Variants in SLC4A10 observed in about 807,000 individuals in gnomAD.
SLC4A10 encodes sodium-driven chloride bicarbonate exchanger.
Under a neutral mutation model 137.7 loss-of-function variants are expected in SLC4A10, and 42 were observed. That is an observed-to-expected ratio of 0.30 (90% CI 0.24 to 0.39). The LOEUF is 0.39. Among genes scored for constraint, SLC4A10 ranks in the 10% least tolerant of loss-of-function variants. The pLI, the probability that SLC4A10 is intolerant of heterozygous loss-of-function variation, is 1.00. For missense variants in SLC4A10, 925 were observed against 1,355.0 expected, an observed-to-expected ratio of 0.68 and a Z score of 4.98; for synonymous variants, 474 against 464.1, an observed-to-expected ratio of 1.02 and a Z score of -0.27.
At chr2:161,886,073 T>G (rs779447204) in intron 10 of SLC4A10, among the ~76,000 whole-genome samples, 4 of 152,182 alleles carry the variant, frequency 2.6e-5, no homozygotes, top group Middle Eastern at 3.2e-3. Context: ...CACTCCAGCC[T>G]GGGCAATAGA....
chr2:161,983,078 G>A (rs1329358913), intron 26 of SLC4A10, 101 bp from the exon 27 acceptor site: 3 of 1,007,608 alleles, frequency 3.0e-6, no homozygotes, highest in Middle Eastern at 2.1e-4. Context: ...ACGGGCTCTT[G>A]TGGTGCTTTG....
intron 8 of SLC4A10, among the ~76,000 whole-genome samples, chr2:161,878,003 C>T (rs1446969375): frequency 6.6e-6 from 1 of 151,998 alleles, no homozygotes; most frequent in Admixed American, 6.6e-5. Flanking sequence ...ATCTTGATTT[C>T]AGAAAGCAAC....
chr2:161,915,770 A>G (rs760438303), intron 15 of SLC4A10, among the ~76,000 whole-genome samples: 1 of 152,182 alleles, frequency 6.6e-6, no homozygotes, highest in Non-Finnish European at 1.5e-5. Flanking sequence ...GGGCTGAGTA[A>G]ATGGGGCACC....
At chr2:161,919,332 C>T (rs978628197) in intron 15 of SLC4A10, among the ~76,000 whole-genome samples, 1 of 152,118 alleles carries the variant, frequency 6.6e-6, no homozygotes, top group African/African-American at 2.4e-5. Flanking sequence ...CCAGTGAAAC[C>T]TCACCTTCAA....
At chr2:161,836,141 C>T (rs1440055008) in intron 3 of SLC4A10, among the ~76,000 whole-genome samples, 2 of 151,518 alleles carry the variant, frequency 1.3e-5, no homozygotes, top group Admixed American at 6.6e-5. Context: ...TCAGTTGATT[C>T]TGCTGTCACT....
At chr2:161,979,528 G>C (rs1699905349) in intron 26 of SLC4A10, among the ~76,000 whole-genome samples, 1 of 152,208 alleles carries the variant, frequency 6.6e-6, no homozygotes, top group Non-Finnish European at 1.5e-5. Context: ...TTCCATGTGA[G>C]AAACATCTTT....
rs182317275 is a variant in SLC4A10, at chr2:161,659,627, A to G, written c.48+35061A>G. ...AATCGCACTTATGCCCCTTAAATTT[A>G]TACAAAAATAAATAAATAAAAAATA... On this transcript the variant is annotated intron_variant, in intron 1 of 26. Transcript: ENST00000446997. 1.8e-3 allele frequency among the ~76,000 whole-genome samples: 274 copies of G among 152,320 alleles called. 2 individuals are homozygous for G. The highest frequency in any genetic ancestry group is 3.4e-3 in the Middle Eastern group (1 of 294).
intron 1 of SLC4A10, among the ~76,000 whole-genome samples, chr2:161,748,970 T>C (rs1451580483): frequency 1.3e-5 from 2 of 152,034 alleles, no homozygotes; most frequent in Non-Finnish European, 1.5e-5. Context: ...CATTTTATAG[T>C]TTTCAGTGTA....
At chr2:161,843,469 T>C (rs2059312212) in intron 4 of SLC4A10, among the ~76,000 whole-genome samples, 1 of 152,182 alleles carries the variant, frequency 6.6e-6, no homozygotes, top group Admixed American at 6.6e-5. Flanking sequence ...ATGCTATAGC[T>C]GTTTGAGCTT....
chr2:161,661,446 C>A (rs139299140), intron 1 of SLC4A10, among the ~76,000 whole-genome samples: 1 of 152,342 alleles, frequency 6.6e-6, no homozygotes, highest in African/African-American at 2.4e-5. Flanking sequence ...TGCACTCCAG[C>A]CTGGCAACAG....
chr2:161,635,411 G>T (rs1379438889), intron 1 of SLC4A10, among the ~76,000 whole-genome samples: 1 of 152,020 alleles, frequency 6.6e-6, no homozygotes, highest in Non-Finnish European at 1.5e-5. Flanking sequence ...GTCATTCCTT[G>T]GCCCTCCAAA....
In SLC4A10 at chr2:161,983,248, C is replaced by T. The variant is rs56405894; in HGVS notation, c.*96C>T. On this transcript the variant is annotated 3_prime_UTR_variant, in exon 27 of 27. Coordinates refer to ENST00000446997, the MANE Select transcript of SLC4A10 (RefSeq NM_001178015.2). Reference sequence around the variant, plus strand: ...TTGACAGGGAGACTTGTCTATGACTCGATCTTCAATTTATTTTTTACATAT... The same window carrying T: ...TTGACAGGGAGACTTGTCTATGACTTGATCTTCAATTTATTTTTTACATAT... 5.6e-3 allele frequency: 8,637 copies of T among 1,535,172 alleles called. 30 individuals are homozygous for T. Among genetic ancestry groups the T allele is most frequent in the Middle Eastern group, 8.9e-3 (53 of 5,986 alleles).
chr2:161,802,938 G>A (rs909533545), intron 2 of SLC4A10, among the ~76,000 whole-genome samples: 1 of 152,036 alleles, frequency 6.6e-6, no homozygotes, highest in African/African-American at 2.4e-5. Flanking sequence ...AGTCACATTT[G>A]GGGTTGGGAC....
chr2:161,873,879 T>G, intron 7 of SLC4A10, 37 bp from the exon 8 acceptor site: 1 of 1,570,526 alleles, frequency 6.4e-7, no homozygotes, highest in Non-Finnish European at 8.6e-7. Flanking sequence ...CGTGGGAGCA[T>G]GGTGTACCAG....
In SLC4A10 at chr2:161,782,760, G is replaced by T. The variant is rs78634183; in HGVS notation, c.130+11706G>T. Among the ~76,000 whole-genome samples, 363 of 146,636 alleles carry T rather than the reference G, an allele frequency of 2.5e-3. 6 individuals are homozygous for T. In the East Asian group the frequency reaches 0.061, roughly 25 times the overall value. ...AGATCAAGCTAAAGAAAGAATCAGT[G>T]AACTTAAGGACAGGCCATTGGAACT... On this transcript the variant is annotated intron_variant, in intron 2 of 26. Transcript: ENST00000446997.
intron 11 of SLC4A10, among the ~76,000 whole-genome samples, 156 bp downstream of exon 11, chr2:161,894,981 T>C (rs935893179): frequency 2.0e-5 from 3 of 151,738 alleles, no homozygotes; most frequent in Non-Finnish European, 2.9e-5. Flanking sequence ...GTTACATATG[T>C]ATACATGTGC....
chr2:161,722,967 G>T (rs2045849547), intron 1 of SLC4A10, among the ~76,000 whole-genome samples: 1 of 152,212 alleles, frequency 6.6e-6, no homozygotes, highest in Non-Finnish European at 1.5e-5. Flanking sequence ...TGCCGCAGCT[G>T]CTGGACTGCA....
chr2:161,961,148 A>AT (rs1199716266), intron 21 of SLC4A10, among the ~76,000 whole-genome samples: 1 of 152,238 alleles, frequency 6.6e-6, no homozygotes, highest in Non-Finnish European at 1.5e-5. Context: ...ACTGATGTTC[A>AT]TAGCATATAA....
rs1684213431 is a variant in SLC4A10, at chr2:161,905,774, T to C, written c.1884T>C (p.Phe628=). The C allele has an allele frequency of 1.2e-6, 2 of 1,613,916 alleles. No individual in the cohort carries two copies. The highest frequency in any genetic ancestry group is 1.3e-5 in the African/African-American group (1 of 74,934). ...TCACTCGGTTTACTGAAGAAGCTTT[T>C]GCTTCCCTGATTTGCATCATTTTCA... ...CYITRFTEEA[F]ASLICIIFIY... is the part of the protein sequence containing the mutation. Residue 628 remains phenylalanine (F), a synonymous_variant, in exon 15 of 27, where the codon TTT becomes TTC. Coordinates refer to ENST00000446997, the MANE Select transcript of SLC4A10 (RefSeq NM_001178015.2).
Sources: gnomAD v4.1 joint callset for allele counts (sites outside exome capture counted in the v4.1 genomes callset) on GRCh38, gnomAD v4.1.1 for gene constraint, MANE v1.5 for transcripts, NCBI Gene and HGNC (gene_info 2026-07-23, HGNC 2026-07-21) for gene names.